ZNF75A: variants seen among roughly 807,000 people sequenced by gnomAD.
The protein encoded by ZNF75A is zinc finger protein 75A.
Under a neutral mutation model 46.3 loss-of-function variants are expected in ZNF75A, and 36 were observed. That is an observed-to-expected ratio of 0.78 (90% CI 0.60 to 1.03). ZNF75A has a LOEUF of 1.03. ZNF75A is among the 50% of genes least tolerant of loss of function. ZNF75A has a pLI of 0.00. For synonymous variants in ZNF75A, 234 were observed against 189.9 expected (o/e 1.23, Z -1.91); for missense variants, 595 against 551.3 (o/e 1.08, Z -0.79).
At chr16:3,323,384 C>G (rs554593407), downstream of ZNF75A, 4 of 888,684 alleles carry the variant, frequency 4.5e-6, no homozygotes, top group East Asian at 4.8e-5. Flanking sequence ...GCAAATGACA[C>G]CAAACTTCCC....
In ZNF75A at chr16:3,308,342, T is replaced by A. The variant is rs1426944608; in HGVS notation, c.-87T>A. On this transcript the variant is annotated 5_prime_UTR_variant, in exon 2 of 7. Coordinates refer to ENST00000669516, the MANE Select transcript of ZNF75A (RefSeq NM_001302109.2). Reference sequence around the variant, plus strand: ...TTTAGGAAGAAGATCCTTTTATTGCTTTTGTACAAGACCAGACAGGATCTC... The same window carrying A: ...TTTAGGAAGAAGATCCTTTTATTGCATTTGTACAAGACCAGACAGGATCTC... 3 of 921,890 alleles carry A rather than the reference T, an allele frequency of 3.3e-6. No homozygotes were observed. The highest frequency in any genetic ancestry group is 3.6e-5 in the African/African-American group (2 of 55,888). 57.1% of individuals were successfully genotyped at this position (921,890 alleles called of 1,614,324 possible).
intron 5 of ZNF75A, chr16:3,314,825 T>C (rs560516112): frequency 1.0e-6 from 1 of 985,428 alleles, no homozygotes; most frequent in East Asian, 1.1e-4. Context: ...CAGAAGGCCC[T>C]CTACAATGAT....
rs1961319444 is a variant in ZNF75A, at chr16:3,317,600, T to C, written c.1345T>C (p.Leu449=). 1.2e-6 allele frequency: 2 copies of C among 1,614,034 alleles called. No homozygotes were observed. Among genetic ancestry groups the C allele is most frequent in the Admixed American group, 3.3e-5 (2 of 59,998 alleles). ...FRWSSDLNKH[L]TTHQGIKPYK... ...ATGGAGTTCAGATCTTAATAAGCAC[T>C]TAACAACACACCAAGGAATAAAACC... The change falls in exon 7 of 7, where the codon TTA becomes CTA. Residue 449 remains leucine (L), a synonymous_variant. Coordinates refer to ENST00000669516, the MANE Select transcript of ZNF75A (RefSeq NM_001302109.2).
At chr16:3,309,360 G>C (rs1356889621) in intron 2 of ZNF75A, 1 of 151,204 alleles carries the variant, frequency 6.6e-6, no homozygotes, top group Non-Finnish European at 1.5e-5. Flanking sequence ...CGAGGCTGAG[G>C]AGGGAGAATC....
intron 1 of ZNF75A, chr16:3,305,990 G>A (rs1175446884): frequency 1.3e-5 from 2 of 152,228 alleles, no homozygotes; most frequent in Non-Finnish European, 2.9e-5. Context: ...GCATTTCCGT[G>A]TCCGGCCGAT....
downstream of ZNF75A, among the ~76,000 whole-genome samples, chr16:3,319,983 A>G (rs893817670): frequency 6.6e-6 from 1 of 151,996 alleles, no homozygotes; most frequent in African/African-American, 2.4e-5. Flanking sequence ...CAAGAAATAA[A>G]CATTTGTTCT....
At position 3,318,533 on chromosome 16, in the gene ZNF75A, A is replaced by C; in HGVS notation, c.*664A>C. The C allele has an allele frequency of 1.0e-6, 1 of 985,422 alleles. No homozygotes were observed. The highest frequency in any genetic ancestry group is 1.2e-6 in the Non-Finnish European group (1 of 829,904). 61.0% of individuals were successfully genotyped at this position (985,422 alleles called of 1,614,324 possible). On this transcript the variant is annotated 3_prime_UTR_variant, in exon 7 of 7. Coordinates refer to ENST00000669516, the MANE Select transcript of ZNF75A (RefSeq NM_001302109.2). ...AATTTGTAGCCATGGAATATATATTAGATGTAAAGAATTTTCTGCAATAAA... is the reference window on the plus strand; with the variant it reads ...AATTTGTAGCCATGGAATATATATTCGATGTAAAGAATTTTCTGCAATAAA...
In ZNF75A at chr16:3,308,278, T is replaced by G. The variant is rs537194215; in HGVS notation, c.-116-35T>G. On this transcript the variant is annotated intron_variant, in intron 1 of 6. Transcript: ENST00000669516. Reference sequence around the variant, plus strand: ...AAGTGATGAGGTTCATGTGAGTTTCTTATTGATACATACTTTTCTTTTTCT... The same window carrying G: ...AAGTGATGAGGTTCATGTGAGTTTCGTATTGATACATACTTTTCTTTTTCT... The G allele has an allele frequency of 2.3e-5, 8 of 352,866 alleles. No homozygotes were observed. The East Asian group carries it at 1.2e-3, about 52-fold the overall frequency. The allele number at this position is 352,866 out of a possible 1,614,324, so 21.9% of individuals were successfully genotyped here.
In ZNF75A at chr16:3,308,808, A is replaced by G. The variant is rs1960482015; in HGVS notation, c.380A>G (p.Gln127Arg). 1.0e-5 allele frequency: 10 copies of G among 986,204 alleles called. No homozygotes were observed. The highest frequency in any genetic ancestry group is 1.2e-5 in the Non-Finnish European group (10 of 830,098). The allele number at this position is 986,204 out of a possible 1,614,324, so 61.1% of individuals were successfully genotyped here. A position where few individuals can be genotyped will look rare whatever the true frequency, so the allele number is the denominator to read the frequency against. Residue 127 changes from glutamine to arginine, a missense_variant, in exon 2 of 7, where the codon CAG becomes CGG. Coordinates refer to ENST00000669516, the MANE Select transcript of ZNF75A (RefSeq NM_001302109.2). ...GCTGTGGCTCTGGTAGAACACTTGC[A>G]GAGGGAATCTGGTCAAACATGGAAT... ...EEAVALVEHL[Q>R]RESGQTWNGV...
Position 3,317,308 on chromosome 16 carries a change from A to C in ZNF75A, c.1053A>C (p.Thr351=). Residue 351 remains threonine (T), a synonymous_variant, in exon 7 of 7, where the codon ACA becomes ACC. Coordinates refer to ENST00000669516, the MANE Select transcript of ZNF75A (RefSeq NM_001302109.2). ...CCAAAGTAAAAGTTCCCCAGAAAAC[A>C]GCAGGCAAAGAAAATCATTTTGATA... ...KKAKVKVPQK[T]AGKENHFDMH... 1 of 1,614,128 alleles carries C rather than the reference A, an allele frequency of 6.2e-7. No individual in the cohort carries two copies. Among genetic ancestry groups the C allele is most frequent in the East Asian group, 2.2e-5 (1 of 44,876 alleles).
intron 2 of ZNF75A, chr16:3,310,982 A>T: frequency 1.0e-6 from 1 of 983,790 alleles, no homozygotes; most frequent in Non-Finnish European, 1.2e-6. Flanking sequence ...TCTCCATTCT[A>T]TCCCCATTCT....
At position 3,318,187 on chromosome 16, in the gene ZNF75A, C is replaced by T. The variant is rs994000104; in HGVS notation, c.*318C>T. ...GTTTAATTGCATACCATTCTCTTCA[C>T]AGTAGCAGGCTTACCAATTTCCATA... On this transcript the variant is annotated 3_prime_UTR_variant, in exon 7 of 7. Transcript: ENST00000669516. 35 of 1,052,656 alleles carry T rather than the reference C, an allele frequency of 3.3e-5. No individual in the cohort carries two copies. The highest frequency in any genetic ancestry group is 1.0e-4 in the African/African-American group (6 of 59,466). The allele number at this position is 1,052,656 out of a possible 1,614,324, so 65.2% of individuals were successfully genotyped here.
intron 2 of ZNF75A, chr16:3,310,688 A>G: frequency 1.0e-6 from 1 of 985,592 alleles, no homozygotes; most frequent in Non-Finnish European, 1.2e-6. Flanking sequence ...AAGAAAACAT[A>G]GAAAAAAGGG....
chr16:3,312,976 A>G (rs2150815346), intron 4 of ZNF75A, 73 bp from the exon 5 acceptor site: 1 of 1,514,230 alleles, frequency 6.6e-7, no homozygotes. Context: ...TCGCCTGGCC[A>G]ATTCATAGCC....
intron 2 of ZNF75A, among the ~76,000 whole-genome samples, chr16:3,310,034 C>T (rs1329789858): frequency 1.3e-5 from 2 of 151,738 alleles, no homozygotes; most frequent in Non-Finnish European, 2.9e-5. Context: ...TTTGAGGCTA[C>T]AGTGAGTTAT....
At chr16:3,317,085 T>G (rs1305822302) in intron 6 of ZNF75A, 63 bp downstream of exon 6, 2 of 1,541,938 alleles carry the variant, frequency 1.3e-6, no homozygotes, top group East Asian at 2.2e-5. Flanking sequence ...GGGCTTAACA[T>G]TTTAAGATTT....
chr16:3,305,716 G>A (rs1960146411), intron 1 of ZNF75A, 73 bp downstream of exon 1: 1 of 152,292 alleles, frequency 6.6e-6, no homozygotes, highest in African/African-American at 2.4e-5. Flanking sequence ...CAGGGAGGCA[G>A]CCATTTTCCG....
chr16:3,314,060 A>C (rs1961010451), intron 5 of ZNF75A, among the ~76,000 whole-genome samples: 1 of 152,106 alleles, frequency 6.6e-6, no homozygotes. Flanking sequence ...AGGGGAAAAA[A>C]CGCTATATAT....
intron 5 of ZNF75A, chr16:3,314,720 G>T: frequency 1.0e-6 from 1 of 985,426 alleles, no homozygotes. Flanking sequence ...GGCAAGTTCA[G>T]AGCTGAAGTC....
Sources: gnomAD v4.1 joint callset for allele counts (sites outside exome capture counted in the v4.1 genomes callset) on GRCh38, gnomAD v4.1.1 for gene constraint, MANE v1.5 for transcripts, NCBI Gene and HGNC (gene_info 2026-07-23, HGNC 2026-07-21) for gene names.